The following SGCZ variants were observed in gnomAD, a reference collection of about 807,000 sequenced individuals.
SGCZ encodes sarcoglycan zeta, also known as zeta-sarcoglycan.
In SGCZ, 40 loss-of-function variants were observed where a neutral mutation model predicts 41.3. That is an observed-to-expected ratio of 0.97 (90% CI 0.75 to 1.26). The LOEUF (loss-of-function observed/expected upper bound fraction) is 1.26, where lower values mean the gene tolerates loss of function less well. SGCZ is among the 50% of genes most tolerant of loss of function. The probability of loss-of-function intolerance (pLI) is 0.00; values close to 1 mark genes in which losing one functional copy is unlikely to be tolerated. For synonymous variants in SGCZ, 206 were observed against 137.5 expected (o/e 1.50, Z -3.49); for missense variants, 552 against 369.8 (o/e 1.49, Z -4.04).
chr8:14,349,926 G>A (rs1803026128), intron 2 of SGCZ, among the ~76,000 whole-genome samples: 1 of 152,110 alleles, frequency 6.6e-6, no homozygotes. Context: ...GGAAAGTCGT[G>A]TAGCTTTAAA....
At chr8:15,136,358 C>A (rs999933471) in intron 1 of SGCZ, among the ~76,000 whole-genome samples, 13 of 151,928 alleles carry the variant, frequency 8.6e-5, no homozygotes, top group Non-Finnish European at 1.5e-4. Flanking sequence ...TTCAGGTGCC[C>A]TGATCTGAAT....
intron 5 of SGCZ, among the ~76,000 whole-genome samples, chr8:14,151,062 T>A (rs536375195): frequency 6.6e-6 from 1 of 152,130 alleles, no homozygotes; most frequent in African/African-American, 2.4e-5. Context: ...TGGGAATGGT[T>A]ATTGAGTACA....
At chr8:14,691,242 A>T (rs1171532960) in intron 1 of SGCZ, among the ~76,000 whole-genome samples, 1 of 152,182 alleles carries the variant, frequency 6.6e-6, no homozygotes, top group African/African-American at 2.4e-5. Flanking sequence ...AATTATCTTG[A>T]TCTGAAAAAT....
chr8:14,216,122 C>G (rs1253084522), intron 4 of SGCZ, among the ~76,000 whole-genome samples: 1 of 152,218 alleles, frequency 6.6e-6, no homozygotes, highest in East Asian at 1.9e-4. Flanking sequence ...GAGAGAGTAG[C>G]CTTGCAGGTA....
chr8:14,546,755 C>T (rs1207712849), intron 2 of SGCZ, among the ~76,000 whole-genome samples: 1 of 151,872 alleles, frequency 6.6e-6, no homozygotes, highest in Non-Finnish European at 1.5e-5. Context: ...CGGAGTTATA[C>T]CATGTAAAGG....
In SGCZ at chr8:14,108,222, G is replaced by C; in HGVS notation, c.561C>G (p.Ala187=). The C allele has an allele frequency of 1.2e-6, 2 of 1,614,006 alleles. No individual in the cohort carries two copies. Among genetic ancestry groups the C allele is most frequent in the Non-Finnish European group, 1.7e-6 (2 of 1,179,986 alleles). ...EKLKVTGTEG[A]VFGHSVETPH... is the part of the protein sequence containing the mutation. The stretch of plus-strand genomic sequence containing the variant: ...GCGTCTCCACAGAGTGCCCAAATAC[G>C]GCTCCTTCAGTGCCTGGGGGTAGCA... The change falls in exon 6 of 8, where the codon GCC becomes GCG. Residue 187 remains alanine, a synonymous_variant. Transcript: ENST00000382080.
At chr8:14,350,691 G>A (rs186788727) in intron 2 of SGCZ, among the ~76,000 whole-genome samples, 1 of 152,046 alleles carries the variant, frequency 6.6e-6, no homozygotes. Context: ...TTGCATGACA[G>A]TTCAGCCTCT....
At chr8:14,142,751 G>A (rs1315231898) in intron 5 of SGCZ, among the ~76,000 whole-genome samples, 1 of 152,124 alleles carries the variant, frequency 6.6e-6, no homozygotes, top group African/African-American at 2.4e-5. Flanking sequence ...GCTTCTCATG[G>A]TCTAGCACCA....
chr8:14,343,928 T>C lies in SGCZ; in HGVS notation c.235-19724A>G, dbSNP rs192926217. ...AAATTAAAAAAAAGAGGTGATCCAATTGAGGATTCACATATTGGTTCAAAA... is the reference window on the plus strand; with the variant it reads ...AAATTAAAAAAAAGAGGTGATCCAACTGAGGATTCACATATTGGTTCAAAA... On this transcript the variant is annotated intron_variant, in intron 2 of 7. Coordinates refer to ENST00000382080, the MANE Select transcript of SGCZ (RefSeq NM_139167.4). 5.3e-5 allele frequency among the ~76,000 whole-genome samples: 8 copies of C among 152,038 alleles called. No homozygotes were observed. The East Asian group carries it at 1.4e-3, about 26-fold the overall frequency.
intron 4 of SGCZ, among the ~76,000 whole-genome samples, chr8:14,207,679 T>C (rs911838697): frequency 1.3e-5 from 2 of 152,144 alleles, no homozygotes; most frequent in African/African-American, 4.8e-5. Flanking sequence ...GGACAAAGTA[T>C]GTGTAGATTG....
intron 2 of SGCZ, among the ~76,000 whole-genome samples, chr8:14,523,757 T>A (rs967178873): frequency 6.6e-6 from 1 of 152,086 alleles, no homozygotes; most frequent in East Asian, 1.9e-4. Flanking sequence ...TCAGCCACTC[T>A]TTCTTCCAGT....
intron 1 of SGCZ, among the ~76,000 whole-genome samples, chr8:15,118,372 T>C (rs1026816855): frequency 2.6e-5 from 4 of 152,138 alleles, no homozygotes; most frequent in Non-Finnish European, 5.9e-5. Flanking sequence ...CTAAGTTCTC[T>C]GGGTGTGACT....
At chr8:14,271,102 A>T (rs1358385918) in intron 3 of SGCZ, among the ~76,000 whole-genome samples, 1 of 152,268 alleles carries the variant, frequency 6.6e-6, no homozygotes, top group East Asian at 1.9e-4. Flanking sequence ...ATGTTAAATG[A>T]TGAGTTAATG....
chr8:14,567,934 G>A (rs1804426010), intron 1 of SGCZ, among the ~76,000 whole-genome samples: 2 of 152,150 alleles, frequency 1.3e-5, no homozygotes, highest in African/African-American at 4.8e-5. Context: ...AAAAAACTCT[G>A]GACATGCCGC....
intron 2 of SGCZ, among the ~76,000 whole-genome samples, chr8:14,421,588 T>C (rs2117307201): frequency 6.6e-6 from 1 of 152,208 alleles, no homozygotes; most frequent in African/African-American, 2.4e-5. Flanking sequence ...TATGGTGGAA[T>C]GCTGAGAAAA....
At chr8:15,072,835 C>G (rs1316775527) in intron 1 of SGCZ, among the ~76,000 whole-genome samples, 1 of 152,124 alleles carries the variant, frequency 6.6e-6, no homozygotes, top group Non-Finnish European at 1.5e-5. Context: ...GTCCAAACCC[C>G]CAAATGCAAA....
intron 1 of SGCZ, among the ~76,000 whole-genome samples, chr8:14,970,044 C>T (rs1413614998): frequency 6.6e-6 from 1 of 152,090 alleles, no homozygotes; most frequent in Non-Finnish European, 1.5e-5. Context: ...TAGTCATTCT[C>T]ATACAGTCAT....
chr8:15,025,716 A>T (rs1767124583), intron 1 of SGCZ, among the ~76,000 whole-genome samples: 1 of 152,222 alleles, frequency 6.6e-6, no homozygotes, highest in Admixed American at 6.5e-5. Flanking sequence ...GGAGAGAGAA[A>T]ATTAGTCTTA....
chr8:14,298,876 C>T (rs1179553993), intron 3 of SGCZ, among the ~76,000 whole-genome samples: 1 of 151,956 alleles, frequency 6.6e-6, no homozygotes, highest in Non-Finnish European at 1.5e-5. Context: ...GAACCTAGAA[C>T]AGTTCAAACA....
Sources: allele counts gnomAD v4.1 joint callset (sites outside exome capture counted in the v4.1 genomes callset), GRCh38; gene constraint gnomAD v4.1.1; transcripts MANE v1.5; gene names NCBI Gene and HGNC (gene_info 2026-07-23, HGNC 2026-07-21).